The following RARB variants were observed in gnomAD, a reference collection of about 807,000 sequenced individuals.
The protein encoded by RARB is HBV-activated protein.
RARB carries 17 observed loss-of-function variants against 51.9 expected under a neutral mutation model. The ratio of observed to expected loss-of-function variants is 0.33; its 90% confidence interval spans 0.22 to 0.49. RARB has a LOEUF of 0.49. Among genes scored for constraint, RARB ranks in the 20% least tolerant of loss-of-function variants. RARB has a pLI of 0.99. For synonymous variants in RARB, 215 were observed against 195.4 expected, an observed-to-expected ratio of 1.10 and a Z score of -0.84; for missense variants, 369 against 550.8, an observed-to-expected ratio of 0.67 and a Z score of 3.30.
chr3:25,203,973 C>T lies in RARB; in HGVS notation c.178+29398C>T, dbSNP rs139805773. On this transcript the variant is annotated intron_variant, in intron 5 of 11. Coordinates refer to the RARB transcript ENST00000383772. ...TGTATTTCCTGAATTTGAATGTTGG[C>T]CTGCCTTGCTAGGTTGGGGAAGTTC... Among the ~76,000 whole-genome samples, 22 of 152,226 alleles carry T rather than the reference C, an allele frequency of 1.4e-4. No individual in the cohort carries two copies. The East Asian group carries it at 4.3e-3, about 29-fold the overall frequency.
intron 3 of RARB, among the ~76,000 whole-genome samples, chr3:25,130,394 C>T (rs1234875824): frequency 1.3e-5 from 2 of 152,038 alleles, no homozygotes; most frequent in Non-Finnish European, 2.9e-5. Context: ...CCCTTTGTGA[C>T]TAACTCTGAC....
intron 3 of RARB, among the ~76,000 whole-genome samples, chr3:25,549,548 G>C (rs1320259524): frequency 6.6e-6 from 1 of 152,106 alleles, no homozygotes; most frequent in Non-Finnish European, 1.5e-5. Flanking sequence ...TAAGGTGTTT[G>C]GTTAATCAGA....
intron 5 of RARB, chr3:25,260,028 C>T (rs1022554965): frequency 9.3e-5 from 91 of 977,794 alleles, no homozygotes; most frequent in Non-Finnish European, 1.1e-4. Flanking sequence ...TTTCCCCTTT[C>T]TCCTTCCCCC....
At chr3:25,128,691 T>C (rs79633735) in intron 3 of RARB, among the ~76,000 whole-genome samples, 2,569 of 151,918 alleles carry the variant, frequency 0.017, 64 homozygotes, top group African/African-American at 0.057. Flanking sequence ...CGTGTAGTTA[T>C]ACAAGGAGGC....
intron 2 of RARB, among the ~76,000 whole-genome samples, chr3:24,966,396 C>A (rs1001060693): frequency 2.0e-5 from 3 of 152,146 alleles, no homozygotes; most frequent in African/African-American, 7.2e-5. Context: ...TTGAGGATTT[C>A]TATTCCTATC....
At chr3:25,176,358 C>CTTTCTTTCTTTCTTTCT (rs1700750668) in intron 5 of RARB, among the ~76,000 whole-genome samples, 1 of 57,236 alleles carries the variant, frequency 1.7e-5, no homozygotes, top group African/African-American at 5.9e-5. Flanking sequence ...TCCTTCCTTC[C>CTTTCTTTCTTTCTTTCT]TTCCTTCCTT....
chr3:25,141,076 T>G (rs2125336958), intron 4 of RARB, among the ~76,000 whole-genome samples: 1 of 152,244 alleles, frequency 6.6e-6, no homozygotes, highest in Admixed American at 6.5e-5. Context: ...ATTGCAGTGG[T>G]CTGGAACTAA....
intron 2 of RARB, among the ~76,000 whole-genome samples, chr3:25,057,993 G>C (rs1288546354): frequency 6.6e-6 from 1 of 151,832 alleles, no homozygotes; most frequent in Non-Finnish European, 1.5e-5. Context: ...TTCCCCTCTT[G>C]ATGCTGCCCA....
At position 25,461,792 on chromosome 3, in the gene RARB, G is replaced by C. The variant is rs935490914; in HGVS notation, c.306+451G>C. On this transcript the variant is annotated intron_variant, in intron 2 of 7. Coordinates refer to ENST00000330688, the MANE Select transcript of RARB (RefSeq NM_000965.5). ...TACATCTAGTCCCAGCTACTCAGGA[G>C]GCTGAGACACGAGAATCACTTGAAA... Among the ~76,000 whole-genome samples the C allele has an allele frequency of 4.6e-5, 7 of 152,306 alleles. 1 individual carries two copies. Among genetic ancestry groups the C allele is most frequent in the African/African-American group, 1.7e-4 (7 of 41,558 alleles).
intron 5 of RARB, among the ~76,000 whole-genome samples, chr3:25,196,542 T>G (rs1373222755): frequency 6.6e-6 from 1 of 152,196 alleles, no homozygotes; most frequent in Non-Finnish European, 1.5e-5. Flanking sequence ...CGTGGGCATG[T>G]GTCTTTATAG....
chr3:25,373,656 T>A lies in RARB; in HGVS notation c.179-87537T>A, dbSNP rs183228352. ...TGCTTCATAGTCTTAAGATCTGTAC[T>A]GTTGTGTATTCTTCTACTCTGGTAA... On this transcript the variant is annotated intron_variant, in intron 5 of 11. Transcript: ENST00000383772. Among the ~76,000 whole-genome samples the A allele has an allele frequency of 1.7e-3, 262 of 152,316 alleles. 2 individuals are homozygous for A. Among genetic ancestry groups the A allele is most frequent in the African/African-American group, 5.8e-3 (241 of 41,572 alleles).
At chr3:25,226,840 C>T (rs541674007) in intron 5 of RARB, among the ~76,000 whole-genome samples, 1 of 152,298 alleles carries the variant, frequency 6.6e-6, no homozygotes, top group African/African-American at 2.4e-5. Flanking sequence ...GAGCTTGGAA[C>T]TACCCACAGT....
At chr3:25,078,587 A>G (rs1220415479) in intron 3 of RARB, among the ~76,000 whole-genome samples, 1 of 144,768 alleles carries the variant, frequency 6.9e-6, no homozygotes, top group Non-Finnish European at 1.5e-5. Context: ...CCCAGGCTGG[A>G]GTGCAGTGGC....
At chr3:25,255,734 G>A (rs1559333984) in intron 5 of RARB, among the ~76,000 whole-genome samples, 1 of 152,016 alleles carries the variant, frequency 6.6e-6, no homozygotes, top group South Asian at 2.1e-4. Context: ...TTTTAGTCGA[G>A]TTGCTCAAGT....
At chr3:25,377,764 A>G (rs1706507762) in intron 5 of RARB, among the ~76,000 whole-genome samples, 1 of 152,204 alleles carries the variant, frequency 6.6e-6, no homozygotes, top group Non-Finnish European at 1.5e-5. Flanking sequence ...AATTTGGGTT[A>G]AAATTTAGAA....
intron 2 of RARB, among the ~76,000 whole-genome samples, chr3:25,048,712 T>TA (rs1698265453): frequency 1.3e-5 from 2 of 150,748 alleles, no homozygotes. Flanking sequence ...TTTAGGGGAT[T>TA]AAAAACGGCA....
intron 5 of RARB, among the ~76,000 whole-genome samples, chr3:25,383,184 C>T (rs892306416): frequency 2.0e-5 from 3 of 152,054 alleles, no homozygotes; most frequent in East Asian, 1.9e-4. Context: ...GACTGAGGTT[C>T]GGAGAGATTG....
chr3:25,221,458 G>A (rs780555973), intron 5 of RARB, among the ~76,000 whole-genome samples: 7 of 152,078 alleles, frequency 4.6e-5, no homozygotes, highest in Admixed American at 1.3e-4. Flanking sequence ...AATAATAATC[G>A]TGGTAGTGAT....
At chr3:25,239,111 A>T (rs1167508814) in intron 5 of RARB, among the ~76,000 whole-genome samples, 1 of 152,202 alleles carries the variant, frequency 6.6e-6, no homozygotes, top group African/African-American at 2.4e-5. Context: ...TTTTCTTTTG[A>T]GAAATGCCTA....
Sources: allele counts gnomAD v4.1 joint callset (sites outside exome capture counted in the v4.1 genomes callset), GRCh38; gene constraint gnomAD v4.1.1; transcripts MANE v1.5; gene names NCBI Gene and HGNC (gene_info 2026-07-23, HGNC 2026-07-21).